The following PLCL1 variants were observed in gnomAD, a reference collection of about 807,000 sequenced individuals.
The protein encoded by PLCL1 is inactive phospholipase C-like protein 1.
In PLCL1, 41 loss-of-function variants were observed where a neutral mutation model predicts 84.4. The ratio of observed to expected loss-of-function variants is 0.49; its 90% CI spans 0.38 to 0.63. The LOEUF (loss-of-function observed/expected upper bound fraction) is 0.63. PLCL1 is among the 30% of genes least tolerant of loss of function. PLCL1 has a pLI of 0.00. For missense variants in PLCL1, 1,206 were observed against 1,367.8 expected (o/e 0.88, Z 1.87); for synonymous variants, 490 against 488.3 (o/e 1.00, Z -0.05).
At chr2:197,867,928 T>A (rs970957865) in intron 1 of PLCL1, among the ~76,000 whole-genome samples, 12 of 152,186 alleles carry the variant, frequency 7.9e-5, no homozygotes, top group African/African-American at 2.7e-4. Flanking sequence ...AAGTTATACC[T>A]CTTTAACCAC....
chr2:198,093,237 C>T (rs1693095438), intron 3 of PLCL1, among the ~76,000 whole-genome samples: 1 of 152,156 alleles, frequency 6.6e-6, no homozygotes, highest in South Asian at 2.1e-4. Context: ...ATACACTAGT[C>T]AACAACCTAT....
At chr2:197,903,489 T>C (rs1688310915) in intron 1 of PLCL1, among the ~76,000 whole-genome samples, 1 of 117,384 alleles carries the variant, frequency 8.5e-6, no homozygotes, top group African/African-American at 3.3e-5. Flanking sequence ...TTTTTTTTTT[T>C]TTTTTTTTTT....
At chr2:198,074,270 T>G (rs911173005) in intron 1 of PLCL1, among the ~76,000 whole-genome samples, 3 of 150,654 alleles carry the variant, frequency 2.0e-5, no homozygotes, top group Non-Finnish European at 3.0e-5. Flanking sequence ...TGTCTCTTAT[T>G]TCCACTTAAG....
At chr2:197,888,762 T>C (rs187862834) in intron 1 of PLCL1, among the ~76,000 whole-genome samples, 8 of 152,316 alleles carry the variant, frequency 5.3e-5, no homozygotes, top group African/African-American at 1.7e-4. Flanking sequence ...TTTTTATATT[T>C]CAGATGTTTT....
intron 1 of PLCL1, among the ~76,000 whole-genome samples, chr2:197,898,676 T>G (rs1457423292): frequency 1.0e-5 from 1 of 98,202 alleles, no homozygotes; most frequent in Non-Finnish European, 2.2e-5. Flanking sequence ...TGATAGAACA[T>G]TTTTACAATA....
chr2:198,069,631 G>A (rs1336921590), intron 1 of PLCL1, among the ~76,000 whole-genome samples: 3 of 152,096 alleles, frequency 2.0e-5, no homozygotes, highest in African/African-American at 7.2e-5. Context: ...GATATTCTCA[G>A]GAGGCAATAA....
At chr2:197,836,426 G>A (rs963071741) in intron 1 of PLCL1, among the ~76,000 whole-genome samples, 6 of 106,858 alleles carry the variant, frequency 5.6e-5, no homozygotes, top group South Asian at 3.3e-4. Context: ...CAGCCTGGGC[G>A]ACAGAGCGAG....
At chr2:198,001,073 T>G (rs1295337707) in intron 1 of PLCL1, among the ~76,000 whole-genome samples, 3 of 152,186 alleles carry the variant, frequency 2.0e-5, no homozygotes, top group Non-Finnish European at 2.9e-5. Context: ...AAGTAACTCA[T>G]AGAGGAATAA....
rs559375444 is a variant in PLCL1 at position 197,893,024 on chromosome 2, G to A, written c.240+87685G>A. On this transcript the variant is annotated intron_variant, in intron 1 of 5. Coordinates refer to ENST00000428675, the MANE Select transcript of PLCL1 (RefSeq NM_006226.4). Reference sequence around the variant, plus strand: ...AAAACAACAAAAAAACCTGAAAAACGCTTTTGAGTAGGAGGAACTTTCACA... The same window carrying A: ...AAAACAACAAAAAAACCTGAAAAACACTTTTGAGTAGGAGGAACTTTCACA... Among the ~76,000 whole-genome samples the A allele has an allele frequency of 4.2e-4, 64 of 152,174 alleles. 1 individual carries two copies. Among genetic ancestry groups the A allele is most frequent in the African/African-American group, 1.5e-3 (61 of 41,536 alleles).
chr2:198,143,053 T>C (rs1472936343), intron 5 of PLCL1, among the ~76,000 whole-genome samples: 3 of 152,188 alleles, frequency 2.0e-5, no homozygotes, highest in Non-Finnish European at 4.4e-5. Flanking sequence ...TTAAGACCTC[T>C]GTTTAGGGAG....
At chr2:197,952,707 C>T (rs566638306) in intron 1 of PLCL1, among the ~76,000 whole-genome samples, 117 of 152,016 alleles carry the variant, frequency 7.7e-4, no homozygotes, top group Non-Finnish European at 1.4e-3. Flanking sequence ...GTGGGAGGGA[C>T]CCAGTGAGAG....
intron 1 of PLCL1, among the ~76,000 whole-genome samples, chr2:197,921,867 G>C (rs1470587728): frequency 1.3e-5 from 2 of 151,932 alleles, no homozygotes; most frequent in Non-Finnish European, 2.9e-5. Flanking sequence ...ATGAAAACTT[G>C]TGTTATTATC....
chr2:198,087,551 G>A (rs2105900620), intron 2 of PLCL1, among the ~76,000 whole-genome samples: 1 of 152,218 alleles, frequency 6.6e-6, no homozygotes, highest in South Asian at 2.1e-4. Flanking sequence ...AAATGTTAAT[G>A]CATTTCCTAA....
chr2:198,021,900 C>T (rs151122768), intron 1 of PLCL1, among the ~76,000 whole-genome samples: 3,456 of 152,216 alleles, frequency 0.023, 142 homozygotes, highest in African/African-American at 0.078. Context: ...TTTTATGAGG[C>T]CAGCATCGTC....
At chr2:197,832,034 A>G (rs1443924915) in intron 1 of PLCL1, among the ~76,000 whole-genome samples, 1 of 152,212 alleles carries the variant, frequency 6.6e-6, no homozygotes, top group Non-Finnish European at 1.5e-5. Flanking sequence ...ATAGCACTAA[A>G]TGCTCACAGG....
chr2:197,885,204 A>G lies in PLCL1; in HGVS notation c.240+79865A>G, dbSNP rs1055595670. The stretch of plus-strand genomic sequence containing the variant: ...TAGAAAGATAATCAATTGGTTTTTT[A>G]TATTTTTAAGGAGATTTTATTATGG... On this transcript the variant is annotated intron_variant, in intron 1 of 5. Transcript: ENST00000428675. Among the ~76,000 whole-genome samples the G allele has an allele frequency of 1.6e-4, 24 of 152,206 alleles. 1 individual carries two copies. Among genetic ancestry groups the G allele is most frequent in the African/African-American group, 5.1e-4 (21 of 41,456 alleles).
chr2:197,871,757 T>G (rs1299650431), intron 1 of PLCL1, among the ~76,000 whole-genome samples: 1 of 152,100 alleles, frequency 6.6e-6, no homozygotes, highest in East Asian at 1.9e-4. Flanking sequence ...GTGCACTCCT[T>G]AGTGTCCCCC....
chr2:198,069,678 A>G (rs1692417153), intron 1 of PLCL1, among the ~76,000 whole-genome samples: 1 of 152,174 alleles, frequency 6.6e-6, no homozygotes, highest in Non-Finnish European at 1.5e-5. Context: ...TTTTTTGAAA[A>G]AATATATTGA....
intron 1 of PLCL1, among the ~76,000 whole-genome samples, chr2:198,001,002 A>G (rs1424230512): frequency 6.6e-6 from 1 of 152,148 alleles, no homozygotes; most frequent in Non-Finnish European, 1.5e-5. Context: ...AGCAAGTTTT[A>G]TTGGAAAAAA....
Sources: allele counts gnomAD v4.1 joint callset (sites outside exome capture counted in the v4.1 genomes callset), GRCh38; gene constraint gnomAD v4.1.1; transcripts MANE v1.5; gene names NCBI Gene and HGNC (gene_info 2026-07-23, HGNC 2026-07-21).